CTNNBIP1: variants seen among roughly 807,000 people sequenced by gnomAD.
CTNNBIP1 encodes the protein catenin beta interacting protein 1, also known as beta-catenin-interacting protein 1.
In CTNNBIP1, 7 loss-of-function variants were observed where a neutral mutation model predicts 11.8. The observed-to-expected ratio is 0.60, with a 90% CI of 0.34 to 1.12. The LOEUF (loss-of-function observed/expected upper bound fraction) is 1.12. Ranked by LOEUF, CTNNBIP1 falls within the 50% of genes most tolerant of loss-of-function variation. The pLI is 0.03. For synonymous variants in CTNNBIP1, 58 were observed against 43.9 expected (o/e 1.32, Z -1.26); for missense variants, 101 against 113.4 (o/e 0.89, Z 0.50).
At chr1:9,868,466 C>T (rs1391882316) in intron 5 of CTNNBIP1, among the ~76,000 whole-genome samples, 1 of 152,180 alleles carries the variant, frequency 6.6e-6, no homozygotes, top group Non-Finnish European at 1.5e-5. Flanking sequence ...CATTTTTATT[C>T]TTAACTGTGG....
chr1:9,871,208 G>A lies in CTNNBIP1; in HGVS notation c.166C>T (p.Pro56Ser). Residue 56 changes from proline to serine, a missense_variant, in exon 5 of 6, where the codon CCT becomes TCT. Transcript: ENST00000377263. This position sits in a 1 kb window ranked among gnomAD's most constrained non-coding sequence, Gnocchi z 5.2. ...GVVNSQLSQL[P>S]PHSIDQGAED... ...TCACCCTGGTCGATGGAGTGCGGAG[G>A]CAGCTGGCTGAGCTGGCTGTTGACC... 2.5e-6 allele frequency: 4 copies of A among 1,578,554 alleles called. 1 individual carries two copies. The South Asian group carries it at 4.7e-5, about 18-fold the overall frequency.
chr1:9,859,608 T>C (rs907242747), intron 5 of CTNNBIP1, among the ~76,000 whole-genome samples: 4 of 152,206 alleles, frequency 2.6e-5, no homozygotes, highest in Non-Finnish European at 5.9e-5. Context: ...GGTCCTTTCC[T>C]GAATATACTG....
At chr1:9,885,720 G>A (rs901358226) in intron 1 of CTNNBIP1, among the ~76,000 whole-genome samples, 2 of 151,994 alleles carry the variant, frequency 1.3e-5, no homozygotes, top group Non-Finnish European at 2.9e-5. Flanking sequence ...AAGGCGGGTG[G>A]ATCACCTGAG....
At chr1:9,881,184 A>G (rs1197586663) in intron 2 of CTNNBIP1, among the ~76,000 whole-genome samples, 1 of 151,550 alleles carries the variant, frequency 6.6e-6, no homozygotes, top group Non-Finnish European at 1.5e-5. Flanking sequence ...ACAGGCATGC[A>G]CCACCATATC....
chr1:9,904,667 A>G (rs1639584753), intron 1 of CTNNBIP1, among the ~76,000 whole-genome samples: 1 of 152,174 alleles, frequency 6.6e-6, no homozygotes, highest in African/African-American at 2.4e-5. Context: ...TATACTCTCA[A>G]CAAAGAAACA....
intron 5 of CTNNBIP1, among the ~76,000 whole-genome samples, chr1:9,866,456 G>A (rs1383279449): frequency 6.6e-6 from 1 of 152,174 alleles, no homozygotes; most frequent in Non-Finnish European, 1.5e-5. Context: ...CACTTTGGGA[G>A]GCCAAGGTGT....
intron 1 of CTNNBIP1, among the ~76,000 whole-genome samples, chr1:9,884,572 C>T (rs1639148101): frequency 6.6e-6 from 1 of 152,216 alleles, no homozygotes; most frequent in South Asian, 2.1e-4. Context: ...TCAGAGTCAG[C>T]TGCCCAAGGA....
At chr1:9,902,347 A>C (rs771209059) in intron 1 of CTNNBIP1, among the ~76,000 whole-genome samples, 2 of 152,212 alleles carry the variant, frequency 1.3e-5, no homozygotes, top group Admixed American at 6.5e-5. Context: ...AGCCCCAAGC[A>C]AAAACTTTGA....
rs1010688656 is a variant in CTNNBIP1, at chr1:9,883,970, C to T, written c.-143-232G>A. Among the ~76,000 whole-genome samples, 2 of 151,840 alleles carry T rather than the reference C, an allele frequency of 1.3e-5. No individual in the cohort carries two copies. Among genetic ancestry groups the T allele is most frequent in the African/African-American group, 4.8e-5 (2 of 41,308 alleles). On this transcript the variant is annotated intron_variant, in intron 1 of 5. Transcript: ENST00000377263. This position sits in a 1 kb window ranked among gnomAD's most constrained non-coding sequence, Gnocchi z 5.6. ...AACGGGAGTCTGAAGATGCTGTGGG[C>T]AGGAGGGAGGGAATCCATGGGGAAG...
rs138578737 is a variant in CTNNBIP1, at chr1:9,852,079, G to A, written c.188-1303C>T. On this transcript the variant is annotated intron_variant, in intron 5 of 5. Coordinates refer to ENST00000377263, the MANE Select transcript of CTNNBIP1 (RefSeq NM_020248.3). ...GATCGGAATAGGAGAGACAGGAAAGGCCACCCGAGGGTGGGCCAGTGTGGG... is the reference window on the plus strand; with the variant it reads ...GATCGGAATAGGAGAGACAGGAAAGACCACCCGAGGGTGGGCCAGTGTGGG... 1.1e-3 allele frequency among the ~76,000 whole-genome samples: 164 copies of A among 152,264 alleles called. 1 individual carries two copies. In the East Asian group the frequency reaches 0.019, roughly 17 times the overall value.
intron 1 of CTNNBIP1, among the ~76,000 whole-genome samples, chr1:9,900,495 C>T (rs563437712): frequency 1.6e-4 from 25 of 152,352 alleles, no homozygotes; most frequent in Admixed American, 1.0e-3. Context: ...TCAATCTCCA[C>T]TGTCACCACT....
intron 5 of CTNNBIP1, among the ~76,000 whole-genome samples, chr1:9,863,728 T>C (rs149050065): frequency 6.6e-6 from 1 of 152,200 alleles, no homozygotes; most frequent in Non-Finnish European, 1.5e-5. Flanking sequence ...CATGCTGACT[T>C]GGAAGGGGTC....
At chr1:9,895,644 C>T (rs1249405312) in intron 1 of CTNNBIP1, among the ~76,000 whole-genome samples, 1 of 152,018 alleles carries the variant, frequency 6.6e-6, no homozygotes, top group East Asian at 1.9e-4. Flanking sequence ...TATAGGTGCA[C>T]GCCACCATGC....
chr1:9,864,592 T>TGG (rs1638706496), intron 5 of CTNNBIP1, among the ~76,000 whole-genome samples: 1 of 152,152 alleles, frequency 6.6e-6, no homozygotes. Flanking sequence ...CCTCCGAAAG[T>TGG]GCTGAGATTA....
At chr1:9,891,897 T>A (rs369625362) in intron 1 of CTNNBIP1, among the ~76,000 whole-genome samples, 10 of 149,284 alleles carry the variant, frequency 6.7e-5, no homozygotes, top group African/African-American at 1.5e-4. Flanking sequence ...TGCCTTCCAG[T>A]CTCAGGTGAT....
intron 5 of CTNNBIP1, among the ~76,000 whole-genome samples, chr1:9,865,946 C>A (rs1638734773): frequency 1.3e-5 from 2 of 152,220 alleles, no homozygotes; most frequent in Non-Finnish European, 2.9e-5. Context: ...CCTGCAGCTG[C>A]CCCTTCCCAG....
chr1:9,897,804 C>T (rs938893885), intron 1 of CTNNBIP1, among the ~76,000 whole-genome samples: 1 of 151,972 alleles, frequency 6.6e-6, no homozygotes, highest in East Asian at 1.9e-4. Context: ...AAGAGTGAGA[C>T]TCCGTCTCAA....
chr1:9,870,487 A>C (rs182599003), intron 5 of CTNNBIP1, among the ~76,000 whole-genome samples: 13 of 152,316 alleles, frequency 8.5e-5, no homozygotes, highest in African/African-American at 2.6e-4. Flanking sequence ...ACTCCCCAGT[A>C]ACCACCTGGC....
intron 1 of CTNNBIP1, among the ~76,000 whole-genome samples, chr1:9,893,403 C>T (rs182549863): frequency 1.3e-5 from 2 of 152,240 alleles, no homozygotes; most frequent in East Asian, 3.9e-4. Context: ...CTGTTAGTCA[C>T]CAAACCACAG....
Sources: gnomAD v4.1 joint callset for allele counts (sites outside exome capture counted in the v4.1 genomes callset) on GRCh38, gnomAD v4.1.1 for gene constraint, Gnocchi (gnomAD v3.1) non-coding constraint, MANE v1.5 for transcripts, NCBI Gene and HGNC (gene_info 2026-07-23, HGNC 2026-07-21) for gene names.